The following SLC16A7 variants were observed in gnomAD, a reference collection of about 807,000 sequenced individuals.
The protein encoded by SLC16A7 is solute carrier family 16 member 7, also known as monocarboxylate transporter 2.
A neutral mutation model predicts 34.9 loss-of-function variants in SLC16A7; 33 were observed. The ratio of observed to expected loss-of-function variants is 0.94; its 90% CI spans 0.72 to 1.26. The LOEUF is 1.26. SLC16A7 is among the 50% of genes most tolerant of loss of function. SLC16A7 has a pLI of 0.00. For missense variants in SLC16A7, 573 were observed against 578.1 expected, an observed-to-expected ratio of 0.99 and a Z score of 0.09; for synonymous variants, 201 against 206.6, an observed-to-expected ratio of 0.97 and a Z score of 0.23.
chr12:59,718,793 C>T (rs902537723), intron 3 of SLC16A7, among the ~76,000 whole-genome samples: 15 of 152,086 alleles, frequency 9.9e-5, no homozygotes, highest in African/African-American at 3.6e-4. Flanking sequence ...ATGATAATGC[C>T]TGCTTTGCCT....
chr12:59,654,593 G>T (rs1047794420), intron 1 of SLC16A7, among the ~76,000 whole-genome samples: 23 of 151,828 alleles, frequency 1.5e-4, no homozygotes, highest in African/African-American at 5.5e-4. Context: ...TCACTGAAAT[G>T]TTGCTTCAAT....
intron 3 of SLC16A7, among the ~76,000 whole-genome samples, chr12:59,726,223 C>A (rs1480050594): frequency 6.6e-6 from 1 of 152,054 alleles, no homozygotes; most frequent in Non-Finnish European, 1.5e-5. Flanking sequence ...GGCGTTCACA[C>A]TGAAATTAAA....
intron 3 of SLC16A7, among the ~76,000 whole-genome samples, chr12:59,721,721 A>G (rs1875621164): frequency 6.6e-6 from 1 of 151,906 alleles, no homozygotes; most frequent in Non-Finnish European, 1.5e-5. Context: ...CAAGTTTCTC[A>G]GGACTTCAAT....
chr12:59,659,357 C>T (rs532544360), intron 2 of SLC16A7, among the ~76,000 whole-genome samples: 8 of 152,078 alleles, frequency 5.3e-5, no homozygotes, highest in Admixed American at 3.3e-4. Context: ...TGCCCATAAC[C>T]GAAGTGGTGA....
At chr12:59,676,866 T>G (rs1017966346) in intron 2 of SLC16A7, among the ~76,000 whole-genome samples, 1 of 152,154 alleles carries the variant, frequency 6.6e-6, no homozygotes, top group African/African-American at 2.4e-5. Context: ...GCAAAAGATT[T>G]TAAGTAACAT....
Position 59,689,444 on chromosome 12 carries a change from A to T in SLC16A7, c.-30-15328A>T, listed in dbSNP as rs1468930030. The T allele has an allele frequency of 2.6e-5, 4 of 151,984 alleles. No individual in the cohort carries two copies. In the East Asian group the frequency reaches 7.7e-4, roughly 29 times the overall value. 9.4% of individuals were successfully genotyped at this position (151,984 alleles called of 1,614,324 possible). On this transcript the variant is annotated intron_variant, in intron 2 of 5. Coordinates refer to ENST00000547379, the MANE Select transcript of SLC16A7 (RefSeq NM_001270623.2). ...AACTTATGTCTTGGTGAAATGGAAG[A>T]CCATGTTTCTAAACACCTGTCGCCA...
Position 59,779,870 on chromosome 12 carries a change from T to G in SLC16A7, c.*191T>G. On this transcript the variant is annotated 3_prime_UTR_variant, in exon 6 of 6. Transcript: ENST00000547379. ...ACTTACTTATTTGGGTAGTTAAATT[T>G]TGAGATTATGCATAGAAAGAATCCA... The G allele has an allele frequency of 1.9e-6, 1 of 517,278 alleles. No homozygotes were observed. The highest frequency in any genetic ancestry group is 2.5e-5 in the South Asian group (1 of 40,492). The allele number at this position is 517,278 out of a possible 1,614,324, so 32.0% of individuals were successfully genotyped here.
chr12:59,747,121 T>A (rs1349740996), intron 3 of SLC16A7, among the ~76,000 whole-genome samples: 3 of 152,364 alleles, frequency 2.0e-5, no homozygotes, highest in Non-Finnish European at 4.4e-5. Flanking sequence ...TGTGAGCCAG[T>A]GCACCTGGCC....
chr12:59,630,995 C>T (rs915219392), intron 1 of SLC16A7, among the ~76,000 whole-genome samples: 2 of 151,752 alleles, frequency 1.3e-5, no homozygotes, highest in African/African-American at 4.8e-5. Flanking sequence ...ACATATTAAC[C>T]TCTTAGGTAG....
rs78148837 is a variant in SLC16A7, at chr12:59,709,972, A to G, written c.217+4954A>G. ...TGGCATGCATCTTCCCTTTCTCTAC[A>G]GTTATATAGACTATACTGATCATTA... On this transcript the variant is annotated intron_variant, in intron 3 of 5. Transcript: ENST00000547379. Among the ~76,000 whole-genome samples the G allele has an allele frequency of 8.7e-3, 1,315 of 151,704 alleles. 67 individuals are homozygous for G. The highest frequency in any genetic ancestry group is 0.03 in the African/African-American group (1,217 of 41,020).
At chr12:59,703,041 A>G (rs1236763292) in intron 2 of SLC16A7, among the ~76,000 whole-genome samples, 5 of 152,140 alleles carry the variant, frequency 3.3e-5, no homozygotes, top group Non-Finnish European at 5.9e-5. Context: ...GCATTTATTT[A>G]GCATAATAAG....
At chr12:59,616,834 A>G (rs1330011925) in intron 1 of SLC16A7, among the ~76,000 whole-genome samples, 1 of 152,196 alleles carries the variant, frequency 6.6e-6, no homozygotes, top group Non-Finnish European at 1.5e-5. Flanking sequence ...ATTATTTAAA[A>G]GGTTACTAGA....
chr12:59,724,314 T>C (rs1057208488), intron 3 of SLC16A7, among the ~76,000 whole-genome samples: 1 of 152,026 alleles, frequency 6.6e-6, no homozygotes, highest in African/African-American at 2.4e-5. Context: ...ATTGGGTATC[T>C]CCCCTGAAAG....
At chr12:59,614,542 G>C (rs886789977) in intron 1 of SLC16A7, among the ~76,000 whole-genome samples, 3 of 152,014 alleles carry the variant, frequency 2.0e-5, no homozygotes, top group African/African-American at 7.2e-5. Context: ...TTCTTTGCCT[G>C]TATAGCTGCC....
chr12:59,696,556 G>C lies in SLC16A7; in HGVS notation c.-30-8216G>C, dbSNP rs1251314774. ...CTATACTTTTAACTCTGTTTTTCTT[G>C]GCTGTGCTTACAAGCTGTGCTTGTT... is the stretch of plus-strand genomic sequence containing the variant. On this transcript the variant is annotated intron_variant, in intron 2 of 5. Coordinates refer to ENST00000547379, the MANE Select transcript of SLC16A7 (RefSeq NM_001270623.2). The C allele has an allele frequency of 2.0e-5, 3 of 151,860 alleles. No homozygotes were observed. In the East Asian group the frequency reaches 5.8e-4, roughly 29 times the overall value. The allele number at this position is 151,860 out of a possible 1,614,324, so 9.4% of individuals were successfully genotyped here. A position where few individuals can be genotyped will look rare whatever the true frequency, so the allele number is the denominator to read the frequency against.
chr12:59,710,444 G>A (rs540291100), intron 3 of SLC16A7, among the ~76,000 whole-genome samples: 2 of 152,222 alleles, frequency 1.3e-5, no homozygotes, highest in East Asian at 3.9e-4. Context: ...GGATGAAAGG[G>A]GACAGAGGTC....
chr12:59,671,059 C>T (rs1358276895), intron 2 of SLC16A7, among the ~76,000 whole-genome samples: 1 of 152,142 alleles, frequency 6.6e-6, no homozygotes, highest in Non-Finnish European at 1.5e-5. Flanking sequence ...AAGGTCCAAG[C>T]CATCAGACAA....
At chr12:59,625,613 GT>G (rs1185851750) in intron 1 of SLC16A7, among the ~76,000 whole-genome samples, 1 of 151,774 alleles carries the variant, frequency 6.6e-6, no homozygotes, top group African/African-American at 2.4e-5. Flanking sequence ...GAATAAATGA[GT>G]TACTACATGG....
At chr12:59,600,797 T>C (rs1236219365) in intron 1 of SLC16A7, among the ~76,000 whole-genome samples, 8 of 152,172 alleles carry the variant, frequency 5.3e-5, no homozygotes, top group Admixed American at 4.6e-4. Context: ...TTTCAACATA[T>C]TCACAAATAT....
Sources: allele counts gnomAD v4.1 joint callset (sites outside exome capture counted in the v4.1 genomes callset), GRCh38; gene constraint gnomAD v4.1.1; transcripts MANE v1.5; gene names NCBI Gene and HGNC (gene_info 2026-07-23, HGNC 2026-07-21).